CPNE9: variants seen among roughly 807,000 people sequenced by gnomAD.
CPNE9 encodes copine-9.
Under a neutral mutation model 83.0 loss-of-function variants are expected in CPNE9, and 59 were observed. The ratio of observed to expected loss-of-function variants is 0.71; its 90% CI spans 0.58 to 0.88. CPNE9 has a LOEUF of 0.88. Among genes scored for constraint, CPNE9 ranks in the 40% least tolerant of loss-of-function variants. CPNE9 has a pLI of 0.00. For missense variants in CPNE9, 619 were observed against 720.8 expected (o/e 0.86, Z 1.62); for synonymous variants, 256 against 273.4 (o/e 0.94, Z 0.63).
At chr3:9,705,866 G>A (rs2076558892) in intron 6 of CPNE9, 121 bp from the exon 7 acceptor site, 3 of 1,347,032 alleles carry the variant, frequency 2.2e-6, no homozygotes, top group Non-Finnish European at 3.1e-6. Context: ...GTAGGGCCGT[G>A]GCTCTTGCAC....
intron 17 of CPNE9, among the ~76,000 whole-genome samples, chr3:9,719,617 C>T (rs1338138709): frequency 3.9e-5 from 6 of 152,160 alleles, no homozygotes; most frequent in Non-Finnish European, 7.4e-5. Flanking sequence ...CAAGTATTAG[C>T]ACAGTGTCTG....
intron 17 of CPNE9, among the ~76,000 whole-genome samples, chr3:9,722,497 C>T (rs2076743809): frequency 6.6e-6 from 1 of 151,936 alleles, no homozygotes; most frequent in Non-Finnish European, 1.5e-5. Flanking sequence ...CCATGATGCC[C>T]ATTGTCTTCT....
rs530485690 is a variant in CPNE9 at position 9,729,821 on chromosome 3, A to G, written c.*129A>G. 20 of 1,347,128 alleles carry G rather than the reference A, an allele frequency of 1.5e-5. No homozygotes were observed. The highest frequency in any genetic ancestry group is 1.8e-5 in the Non-Finnish European group (18 of 1,019,604). The allele number at this position is 1,347,128 out of a possible 1,614,324, so 83.4% of individuals were successfully genotyped here. ...ACTTGGAGGATCAGTGCTGGCTGAC[A>G]AGCCCTCCGCCTCCTTGCCTGCAGA... On this transcript the variant is annotated 3_prime_UTR_variant, in exon 21 of 21. Coordinates refer to ENST00000383832, the MANE Select transcript of CPNE9 (RefSeq NM_153635.3).
At chr3:9,708,995 CA>C (rs1306263032) in intron 7 of CPNE9, among the ~76,000 whole-genome samples, 2 of 149,990 alleles carry the variant, frequency 1.3e-5, no homozygotes, top group African/African-American at 4.9e-5. Context: ...GATGTGTGAC[CA>C]GGGGCGGTGG....
intron 15 of CPNE9, 100 bp downstream of exon 15, chr3:9,717,204 T>A: frequency 7.5e-7 from 1 of 1,326,478 alleles, no homozygotes; most frequent in Non-Finnish European, 1.1e-6. Flanking sequence ...AGAGTTTACC[T>A]ACCCAAGAAG....
chr3:9,716,889 G>C (rs1161786054), intron 14 of CPNE9, among the ~76,000 whole-genome samples, 169 bp from the exon 15 acceptor site: 2 of 152,244 alleles, frequency 1.3e-5, no homozygotes, highest in African/African-American at 4.8e-5. Flanking sequence ...CCATGAGCCA[G>C]CAGCATCAGC....
At chr3:9,705,882 A>T in intron 6 of CPNE9, 105 bp from the exon 7 acceptor site, 1 of 1,404,044 alleles carries the variant, frequency 7.1e-7, no homozygotes, top group South Asian at 1.2e-5. Flanking sequence ...TGCACCACTC[A>T]TTCGCCTGGG....
At chr3:9,714,627 G>A (rs2076661033) in intron 10 of CPNE9, among the ~76,000 whole-genome samples, 1 of 93,352 alleles carries the variant, frequency 1.1e-5, no homozygotes, top group Admixed American at 1.3e-4. Flanking sequence ...AATACAATAA[G>A]GCTCAAAGTG....
Position 9,729,886 on chromosome 3 carries a change from T to A in CPNE9, c.*194T>A. ...CACCACCTCTCTGCCTTCATGCCAA[T>A]AATAAAGCTGATCTTTATTCCACCT... On this transcript the variant is annotated 3_prime_UTR_variant, in exon 21 of 21. Coordinates refer to ENST00000383832, the MANE Select transcript of CPNE9 (RefSeq NM_153635.3). The A allele has an allele frequency of 1.5e-6, 1 of 689,404 alleles. No individual in the cohort carries two copies. Among genetic ancestry groups the A allele is most frequent in the Non-Finnish European group, 2.3e-6 (1 of 443,832 alleles). The allele number at this position is 689,404 out of a possible 1,614,324, so 42.7% of individuals were successfully genotyped here. A position where few individuals can be genotyped will look rare whatever the true frequency, so the allele number is the denominator to read the frequency against.
intron 9 of CPNE9, 62 bp from the exon 10 acceptor site, chr3:9,712,913 C>A: frequency 6.4e-7 from 1 of 1,568,664 alleles, no homozygotes; most frequent in Non-Finnish European, 8.8e-7. Flanking sequence ...CTGAGAGCAT[C>A]TGGATTCAGT....
rs776217789 is a variant in CPNE9 at position 9,725,997 on chromosome 3, C to G, written c.1290C>G (p.Ile430Met). The change falls in exon 18 of 21, where the codon ATC (isoleucine) becomes ATG (methionine). Residue 430 changes from isoleucine (I) to methionine (M), a missense_variant. Transcript: ENST00000383832. ...SDGSQYYVLL[I>M]ITDGVISDMT... ...GCTCCCAGTACTATGTTCTGCTCATCATCACTGATGGGGTCATCTCTGACA... is the reference window on the plus strand; with the variant it reads ...GCTCCCAGTACTATGTTCTGCTCATGATCACTGATGGGGTCATCTCTGACA... 2.5e-6 allele frequency: 4 copies of G among 1,612,936 alleles called. No homozygotes were observed. In the African/African-American group the frequency reaches 5.3e-5, roughly 22 times the overall value.
rs777630117 is a variant in CPNE9 at position 9,715,546 on chromosome 3, G to T, written c.822+20G>T. 4 of 1,607,240 alleles carry T rather than the reference G, an allele frequency of 2.5e-6. No individual in the cohort carries two copies. The highest frequency in any genetic ancestry group is 3.4e-6 in the Non-Finnish European group (4 of 1,173,986). On this transcript the variant is annotated intron_variant, in intron 13 of 20. Coordinates refer to ENST00000383832, the MANE Select transcript of CPNE9 (RefSeq NM_153635.3). ...GGAACTGTGAGTGCTCCCTAGAGCCGTGGCCCTCCCTGGATCCTTCCGTGT... is the reference window on the plus strand; with the variant it reads ...GGAACTGTGAGTGCTCCCTAGAGCCTTGGCCCTCCCTGGATCCTTCCGTGT...
Position 9,704,065 on chromosome 3 carries a change from G to T in CPNE9, c.68+1G>T. 1.2e-6 allele frequency: 2 copies of T among 1,605,630 alleles called. No individual in the cohort carries two copies. Among genetic ancestry groups the T allele is most frequent in the Non-Finnish European group, 1.7e-6 (2 of 1,177,206 alleles). ...AGATTGAAATTACCGTGTCCTGCCG[G>T]TGAGCGGGCCGCGCTGGGGAGGGCT... On this transcript the variant is annotated splice_donor_variant, in intron 1 of 20. Coordinates refer to ENST00000383832, the MANE Select transcript of CPNE9 (RefSeq NM_153635.3). LOFTEE classifies it high-confidence loss of function. This position sits in a 1 kb window ranked among gnomAD's most constrained non-coding sequence, Gnocchi z 7.1.
chr3:9,723,166 GT>G (rs2076748569), intron 17 of CPNE9, among the ~76,000 whole-genome samples: 1 of 152,166 alleles, frequency 6.6e-6, no homozygotes, highest in East Asian at 1.9e-4. Context: ...CAGGAAGTGG[GT>G]AGGGGATGTA....
chr3:9,727,184 C>G lies in CPNE9; in HGVS notation c.1474C>G (p.Gln492Glu), dbSNP rs1320445297. Reference sequence around the variant, plus strand: ...ACGCTACGCAGAGCGGGACATCGTTCAGGTAGACCTGACGTGGGAGAGGCT... The same window carrying G: ...ACGCTACGCAGAGCGGGACATCGTTGAGGTAGACCTGACGTGGGAGAGGCT... Reference protein sequence around the residue: ...RGRYAERDIVQFVPFRDYVDR... With the variant: ...RGRYAERDIVEFVPFRDYVDR... The change falls in exon 20 of 21, where the codon CAG becomes GAG. Residue 492 changes from glutamine to glutamate, a missense_variant and splice_region_variant. This residue lies in a region of CPNE9 where 438 missense variants were observed against 562.9 expected (regional missense o/e 0.78). Coordinates refer to ENST00000383832, the MANE Select transcript of CPNE9 (RefSeq NM_153635.3). 1 of 1,614,084 alleles carries G rather than the reference C, an allele frequency of 6.2e-7. No homozygotes were observed. Among genetic ancestry groups the G allele is most frequent in the Non-Finnish European group, 8.5e-7 (1 of 1,180,028 alleles).
chr3:9,715,347 C>T lies in CPNE9; in HGVS notation c.751C>T (p.Gln251Ter). ...SYRELSKAQNQFTVYEVLNPR... is the reference protein window; with the variant it reads ...SYRELSKAQN The stretch of plus-strand genomic sequence containing the variant: ...CCGGGAGCTGAGCAAGGCCCAGAAC[C>T]AGTTCACAGTATATGAGGTGAGCAT... Residue 251 changes from glutamine (Q) to a stop codon, truncating the protein, a stop_gained, in exon 12 of 21, where the codon CAG becomes TAG. Coordinates refer to ENST00000383832, the MANE Select transcript of CPNE9 (RefSeq NM_153635.3). LOFTEE classifies it high-confidence loss of function. 1 of 1,614,228 alleles carries T rather than the reference C, an allele frequency of 6.2e-7. No individual in the cohort carries two copies. The highest frequency in any genetic ancestry group is 8.5e-7 in the Non-Finnish European group (1 of 1,180,038).
rs902341882 is a variant in CPNE9, at chr3:9,704,499, T to G, written c.69-88T>G. 1 of 1,149,510 alleles carries G rather than the reference T, an allele frequency of 8.7e-7. No homozygotes were observed. Among genetic ancestry groups the G allele is most frequent in the Middle Eastern group, 2.1e-4 (1 of 4,668 alleles). 71.2% of individuals were successfully genotyped at this position (1,149,510 alleles called of 1,614,324 possible). A position where few individuals can be genotyped will look rare whatever the true frequency, so the allele number is the denominator to read the frequency against. On this transcript the variant is annotated intron_variant, in intron 1 of 20. Coordinates refer to ENST00000383832, the MANE Select transcript of CPNE9 (RefSeq NM_153635.3). The surrounding 1 kb of genome is among the most constrained non-coding windows in gnomAD (Gnocchi z 7.1). ...GGACAGAGGTTCGATGCGGGCCCCA[T>G]GCCTCTCCTCAGTGCCCGGCTCAGA...
chr3:9,711,469 G>C (rs180721052), intron 7 of CPNE9, among the ~76,000 whole-genome samples: 1 of 152,198 alleles, frequency 6.6e-6, no homozygotes, highest in African/African-American at 2.4e-5. Context: ...CGCCCGCCTA[G>C]GCCTCCCAAA....
chr3:9,717,892 T>C lies in CPNE9; in HGVS notation c.932-137T>C, dbSNP rs1010876174. 2.1e-5 allele frequency: 14 copies of C among 659,700 alleles called. No individual in the cohort carries two copies. In the Admixed American group the frequency reaches 4.0e-4, roughly 19 times the overall value. 40.9% of individuals were successfully genotyped at this position (659,700 alleles called of 1,614,324 possible). A position where few individuals can be genotyped will look rare whatever the true frequency, so the allele number is the denominator to read the frequency against. On this transcript the variant is annotated intron_variant, in intron 15 of 20. Coordinates refer to ENST00000383832, the MANE Select transcript of CPNE9 (RefSeq NM_153635.3). ...GATGGATAAATGAACAAATGGATGA[T>C]TGGGTAAAATAAGGAGGGAGGACAT...
Sources: gnomAD v4.1 joint callset for allele counts (sites outside exome capture counted in the v4.1 genomes callset) on GRCh38, gnomAD v4.1.1 for gene constraint, gnomAD v4.1.1 regional missense constraint, Gnocchi (gnomAD v3.1) non-coding constraint, MANE v1.5 for transcripts, NCBI Gene and HGNC (gene_info 2026-07-23, HGNC 2026-07-21) for gene names.